The following EPHB2 variants were observed in gnomAD, a reference collection of about 807,000 sequenced individuals.
EPHB2 encodes the protein EPH receptor B2.
A neutral mutation model predicts 96.4 loss-of-function variants in EPHB2; 18 were observed. That is an observed-to-expected ratio of 0.19 (90% confidence interval 0.13 to 0.28). EPHB2 has a LOEUF of 0.28. Among genes scored for constraint, EPHB2 ranks in the 10% least tolerant of loss-of-function variants. EPHB2 has a pLI of 1.00. For synonymous variants in EPHB2, 506 were observed against 534.1 expected (o/e 0.95, Z 0.72); for missense variants, 989 against 1,355.4 (o/e 0.73, Z 4.25).
In EPHB2 at chr1:22,870,800, G is replaced by A. The variant is rs1472538398; in HGVS notation, c.1303+5588G>A. 2.0e-5 allele frequency among the ~76,000 whole-genome samples: 3 copies of A among 152,176 alleles called. No individual in the cohort carries two copies. In the East Asian group the frequency reaches 5.8e-4, roughly 29 times the overall value. Reference sequence around the variant, plus strand: ...GTCTGTGCTTTGGAATCAGGCAGCCGAACCTGGCTTTGAGTCAAGCCTGGC... The same window carrying A: ...GTCTGTGCTTTGGAATCAGGCAGCCAAACCTGGCTTTGAGTCAAGCCTGGC... On this transcript the variant is annotated intron_variant, in intron 5 of 15. Transcript: ENST00000374630.
chr1:22,833,584 A>G (rs1185613486), intron 3 of EPHB2, among the ~76,000 whole-genome samples: 2 of 152,220 alleles, frequency 1.3e-5, no homozygotes, highest in Admixed American at 1.3e-4. Context: ...GTTAAAAATG[A>G]CAGGGTACCC....
chr1:22,829,090 G>A (rs1160085843), intron 3 of EPHB2, among the ~76,000 whole-genome samples: 2 of 152,390 alleles, frequency 1.3e-5, no homozygotes, highest in East Asian at 3.9e-4. Flanking sequence ...TGTGAGTGCT[G>A]CAAGAACATT....
In EPHB2 at chr1:22,733,258, A is replaced by G. The variant is rs1363412393; in HGVS notation, c.61+22215A>G. Reference sequence around the variant, plus strand: ...GAGACGGGGTTTCACCGTGTTGGCCAGGCTGGTCTCAAACTTCTGACCTCA... The same window carrying G: ...GAGACGGGGTTTCACCGTGTTGGCCGGGCTGGTCTCAAACTTCTGACCTCA... On this transcript the variant is annotated intron_variant, in intron 1 of 15. Coordinates refer to ENST00000374630, the MANE Select transcript of EPHB2 (RefSeq NM_017449.5). This position sits in a 1 kb window ranked among gnomAD's most constrained non-coding sequence, Gnocchi z 4.6. Among the ~76,000 whole-genome samples the G allele has an allele frequency of 6.6e-6, 1 of 152,114 alleles. No homozygotes were observed. The highest frequency in any genetic ancestry group is 3.2e-3 in the Middle Eastern group (1 of 316).
intron 1 of EPHB2, among the ~76,000 whole-genome samples, chr1:22,745,237 C>G (rs754391387): frequency 6.6e-5 from 10 of 152,172 alleles, no homozygotes; most frequent in Admixed American, 4.6e-4. Context: ...TTCATTCATA[C>G]GATGGAATAT....
At position 22,808,083 on chromosome 1, in the gene EPHB2, G is replaced by A. The variant is rs781514720; in HGVS notation, c.811+23007G>A. Among the ~76,000 whole-genome samples the A allele has an allele frequency of 5.3e-5, 8 of 151,586 alleles. No homozygotes were observed. In the South Asian group the frequency reaches 6.2e-4, roughly 12 times the overall value. Reference sequence around the variant, plus strand: ...TGGGAGACGGAGGTTGCAGTGAGCCGAGATGGTGCCACTGCACTCCAGCCT... The same window carrying A: ...TGGGAGACGGAGGTTGCAGTGAGCCAAGATGGTGCCACTGCACTCCAGCCT... On this transcript the variant is annotated intron_variant, in intron 3 of 15. Transcript: ENST00000374630.
chr1:22,881,397 C>CAA (rs59396251), intron 5 of EPHB2, among the ~76,000 whole-genome samples: 179 of 148,222 alleles, frequency 1.2e-3, no homozygotes, highest in African/African-American at 4.4e-3. Context: ...GACTCCATCT[C>CAA]AAAAAAAAAA....
Position 22,880,690 on chromosome 1 carries a change from G to A in EPHB2, c.1304-1669G>A, listed in dbSNP as rs151333942. 7.0e-3 allele frequency among the ~76,000 whole-genome samples: 1,068 copies of A among 152,348 alleles called. 13 individuals are homozygous for A. The highest frequency in any genetic ancestry group is 0.025 in the African/African-American group (1,029 of 41,578). ...ACTGACTGTGTGATCTCAGGAAGCC[G>A]TGTGCACCTCGGAACTTCAATGTCT... is the stretch of plus-strand genomic sequence containing the variant. On this transcript the variant is annotated intron_variant, in intron 5 of 15. Transcript: ENST00000374630.
In EPHB2 at chr1:22,784,248, C is replaced by G. The variant is rs2148423402; in HGVS notation, c.127-144C>G. 1 of 760,978 alleles carries G rather than the reference C, an allele frequency of 1.3e-6. No homozygotes were observed. 47.1% of individuals were successfully genotyped at this position (760,978 alleles called of 1,614,324 possible). Reference sequence around the variant, plus strand: ...CCTTTCCCACCTGATTGGCATGTCTCCCCCATCAGATTGGGAATTCTCTGA... The same window carrying G: ...CCTTTCCCACCTGATTGGCATGTCTGCCCCATCAGATTGGGAATTCTCTGA... On this transcript the variant is annotated intron_variant, in intron 2 of 15. Transcript: ENST00000374630. The surrounding 1 kb of genome is among the most constrained non-coding windows in gnomAD (Gnocchi z 5.1).
chr1:22,869,566 C>G (rs903219009), intron 5 of EPHB2, among the ~76,000 whole-genome samples: 21 of 152,004 alleles, frequency 1.4e-4, no homozygotes, highest in Non-Finnish European at 1.5e-5. Context: ...AGGCTTCTAG[C>G]AAGCAGAGAT....
intron 1 of EPHB2, among the ~76,000 whole-genome samples, chr1:22,728,485 G>A (rs1039828434): frequency 3.3e-5 from 5 of 152,238 alleles, no homozygotes; most frequent in African/African-American, 1.2e-4. Flanking sequence ...GGGCCCCACA[G>A]CCTGCAGGGC....
chr1:22,875,843 C>T lies in EPHB2; in HGVS notation c.1304-6516C>T, dbSNP rs1225596235. On this transcript the variant is annotated intron_variant, in intron 5 of 15. Coordinates refer to ENST00000374630, the MANE Select transcript of EPHB2 (RefSeq NM_017449.5). The surrounding 1 kb of genome is among the most constrained non-coding windows in gnomAD (Gnocchi z 4.2). ...GGAGGGGAGAGGTAGTTCAGGAGGG[C>T]ATCTCGGAGGAGTTGACATTTGAGC... is the stretch of plus-strand genomic sequence containing the variant. Among the ~76,000 whole-genome samples the T allele has an allele frequency of 6.6e-6, 1 of 152,084 alleles. No individual in the cohort carries two copies. The highest frequency in any genetic ancestry group is 1.5e-5 in the Non-Finnish European group (1 of 68,004).
chr1:22,871,813 C>T (rs539121320), intron 5 of EPHB2, among the ~76,000 whole-genome samples: 5 of 152,120 alleles, frequency 3.3e-5, no homozygotes, highest in African/African-American at 9.6e-5. Context: ...GTCAGGAGTT[C>T]GAGACCAGCC....
rs1447392198 is a variant in EPHB2 at position 22,733,336 on chromosome 1, A to G, written c.61+22293A>G. Reference sequence around the variant, plus strand: ...AGTGCTGGGATTGCAGGCGTGAACCACTGTGGCTGGCCCAGGCTGCCTTTC... The same window carrying G: ...AGTGCTGGGATTGCAGGCGTGAACCGCTGTGGCTGGCCCAGGCTGCCTTTC... On this transcript the variant is annotated intron_variant, in intron 1 of 15. Transcript: ENST00000374630. This position sits in a 1 kb window ranked among gnomAD's most constrained non-coding sequence, Gnocchi z 4.6. 6.6e-6 allele frequency among the ~76,000 whole-genome samples: 1 copy of G among 152,180 alleles called. No individual in the cohort carries two copies. The highest frequency in any genetic ancestry group is 1.9e-4 in the East Asian group (1 of 5,194).
chr1:22,870,800 GA>G (rs901979891), intron 5 of EPHB2, among the ~76,000 whole-genome samples: 11 of 152,176 alleles, frequency 7.2e-5, no homozygotes, highest in Admixed American at 7.2e-4. Flanking sequence ...TCAGGCAGCC[GA>G]ACCTGGCTTT....
Position 22,868,325 on chromosome 1 carries a change from G to T in EPHB2, c.1303+3113G>T, listed in dbSNP as rs113847847. On this transcript the variant is annotated intron_variant, in intron 5 of 15. Transcript: ENST00000374630. Reference sequence around the variant, plus strand: ...AAGCACTGGATTAGGAGCAGAGACCGAGGCTTGGCTTTGCCGTTCATTTGC... The same window carrying T: ...AAGCACTGGATTAGGAGCAGAGACCTAGGCTTGGCTTTGCCGTTCATTTGC... 9.8e-5 allele frequency among the ~76,000 whole-genome samples: 15 copies of T among 152,294 alleles called. No homozygotes were observed. In the East Asian group the frequency reaches 2.9e-3, roughly 29 times the overall value.
intron 3 of EPHB2, among the ~76,000 whole-genome samples, chr1:22,850,392 C>T (rs545194716): frequency 3.6e-4 from 55 of 152,326 alleles, no homozygotes; most frequent in Middle Eastern, 3.4e-3. Context: ...GGAGATGCTC[C>T]CCAGCTCCGC....
At chr1:22,795,490 TG>T (rs10608016) in intron 3 of EPHB2, among the ~76,000 whole-genome samples, 113,694 of 150,686 alleles carry the variant, frequency 0.75, 43,226 homozygotes, top group Middle Eastern at 0.87. Flanking sequence ...TGTTTTGTTT[TG>T]TTTTGCCCCC....
At chr1:22,866,883 G>A (rs185323327) in intron 5 of EPHB2, among the ~76,000 whole-genome samples, 75 of 152,304 alleles carry the variant, frequency 4.9e-4, no homozygotes, top group African/African-American at 1.7e-3. Flanking sequence ...GCAGTGAGCC[G>A]AGATCATGCC....
rs1036483470 is a variant in EPHB2, at chr1:22,875,319, C to G, written c.1304-7040C>G. ...GCTGGGAATTCTAAGAGTCCCGTCC[C>G]AAGTAAACTGTCCCTGCTACAGACC... is the stretch of plus-strand genomic sequence containing the variant. On this transcript the variant is annotated intron_variant, in intron 5 of 15. Transcript: ENST00000374630. The surrounding 1 kb of genome is among the most constrained non-coding windows in gnomAD (Gnocchi z 4.2). Among the ~76,000 whole-genome samples the G allele has an allele frequency of 5.9e-5, 9 of 152,184 alleles. No homozygotes were observed. The highest frequency in any genetic ancestry group is 2.2e-4 in the African/African-American group (9 of 41,450).
Sources: allele counts gnomAD v4.1 joint callset (sites outside exome capture counted in the v4.1 genomes callset), GRCh38; gene constraint gnomAD v4.1.1; non-coding constraint Gnocchi (gnomAD v3.1); transcripts MANE v1.5; gene names NCBI Gene and HGNC (gene_info 2026-07-23, HGNC 2026-07-21).